ADAMTS6: variants seen among roughly 807,000 people sequenced by gnomAD.
The protein encoded by ADAMTS6 is ADAM metallopeptidase with thrombospondin type 1 motif 6.
Under a neutral mutation model 144.3 loss-of-function variants are expected in ADAMTS6, and 23 were observed. The ratio of observed to expected loss-of-function variants is 0.16; its 90% confidence interval spans 0.11 to 0.23. The LOEUF (loss-of-function observed/expected upper bound fraction) is 0.23, where lower values mean the gene tolerates loss of function less well. Among genes scored for constraint, ADAMTS6 ranks in the 10% least tolerant of loss-of-function variants. The probability of loss-of-function intolerance (pLI) is 1.00; values close to 1 mark genes in which losing one functional copy is unlikely to be tolerated. For missense variants in ADAMTS6, 999 were observed against 1,379.6 expected (o/e 0.72, Z 4.37); for synonymous variants, 444 against 457.5 (o/e 0.97, Z 0.38).
chr5:65,153,125 GA>G (rs1247208665), intron 24 of ADAMTS6, among the ~76,000 whole-genome samples: 10 of 152,218 alleles, frequency 6.6e-5, no homozygotes, highest in Non-Finnish European at 2.9e-5. Flanking sequence ...TAAGTACAAA[GA>G]CATGGAAAAG....
chr5:65,364,408 A>C (rs997827721), intron 7 of ADAMTS6, among the ~76,000 whole-genome samples: 1 of 152,170 alleles, frequency 6.6e-6, no homozygotes, highest in African/African-American at 2.4e-5. Flanking sequence ...ATGGAGTATC[A>C]TCATGTTGCA....
At chr5:65,456,125 G>T in intron 4 of ADAMTS6, among the ~76,000 whole-genome samples, 1 of 151,670 alleles carries the variant, frequency 6.6e-6, no homozygotes, top group African/African-American at 2.4e-5. Context: ...AGCATAATTA[G>T]CTCATTATAA....
At chr5:65,393,667 TGCAAGTCAGTA>T (rs1487180536) in intron 7 of ADAMTS6, among the ~76,000 whole-genome samples, 1 of 152,238 alleles carries the variant, frequency 6.6e-6, no homozygotes, top group Non-Finnish European at 1.5e-5. Context: ...GGAGTTTTAA[TGCAAGTCAGTA>T]GCAATGCTTT....
intron 4 of ADAMTS6, among the ~76,000 whole-genome samples, chr5:65,456,985 T>C (rs1247284548): frequency 1.3e-5 from 2 of 152,350 alleles, no homozygotes; most frequent in East Asian, 1.9e-4. Flanking sequence ...TTCCAGGTAA[T>C]AGGCTAACTG....
chr5:65,334,600 T>C (rs1747132030), intron 7 of ADAMTS6, among the ~76,000 whole-genome samples: 1 of 152,200 alleles, frequency 6.6e-6, no homozygotes. Context: ...GAATAAAATT[T>C]ATATTACATA....
chr5:65,440,113 T>C (rs1757753019), intron 7 of ADAMTS6, among the ~76,000 whole-genome samples: 1 of 152,180 alleles, frequency 6.6e-6, no homozygotes, highest in African/African-American at 2.4e-5. Context: ...CAGCTGAGAA[T>C]GTTTTTGTTC....
At chr5:65,177,939 C>T (rs1754083951) in intron 22 of ADAMTS6, among the ~76,000 whole-genome samples, 2 of 152,308 alleles carry the variant, frequency 1.3e-5, no homozygotes, top group Middle Eastern at 3.4e-3. Context: ...CTGCTATATC[C>T]CAATGTCCAG....
intron 7 of ADAMTS6, among the ~76,000 whole-genome samples, chr5:65,398,864 G>A (rs1047595410): frequency 1.3e-5 from 2 of 151,672 alleles, no homozygotes; most frequent in African/African-American, 4.8e-5. Context: ...GAAAGAGAAA[G>A]AAAGAAAGAA....
intron 14 of ADAMTS6, 136 bp downstream of exon 14, chr5:65,260,464 A>G (rs1309911525): frequency 1.5e-6 from 1 of 679,040 alleles, no homozygotes; most frequent in Non-Finnish European, 2.5e-6. Flanking sequence ...AGCTCCATTC[A>G]TTATTAACAA....
intron 23 of ADAMTS6, among the ~76,000 whole-genome samples, chr5:65,171,048 C>T (rs1345626114): frequency 2.6e-5 from 4 of 150,992 alleles, no homozygotes; most frequent in African/African-American, 7.3e-5. Flanking sequence ...CTCGCTCTGT[C>T]GCTCAGGCTG....
chr5:65,234,282 G>A (rs1035939914), intron 15 of ADAMTS6, among the ~76,000 whole-genome samples: 5 of 151,568 alleles, frequency 3.3e-5, no homozygotes, highest in Non-Finnish European at 4.4e-5. Context: ...ATAAACAAGC[G>A]AGACTATGTC....
chr5:65,423,874 TTTCA>T (rs1756280922), intron 7 of ADAMTS6, among the ~76,000 whole-genome samples: 1 of 152,144 alleles, frequency 6.6e-6, no homozygotes, highest in Non-Finnish European at 1.5e-5. Flanking sequence ...TTTGGAACCA[TTTCA>T]CATTTTACAA....
intron 12 of ADAMTS6, among the ~76,000 whole-genome samples, chr5:65,265,444 A>T (rs138417851): frequency 9.4e-4 from 143 of 152,208 alleles, no homozygotes; most frequent in Non-Finnish European, 9.3e-4. Flanking sequence ...AAAAGTCACA[A>T]CATCTGGCCA....
intron 8 of ADAMTS6, among the ~76,000 whole-genome samples, chr5:65,330,356 CTCTTA>C (rs1746593868): frequency 6.6e-6 from 1 of 152,068 alleles, no homozygotes. Context: ...AAAATGTCAT[CTCTTA>C]TAAGGAAACA....
intron 7 of ADAMTS6, among the ~76,000 whole-genome samples, chr5:65,449,747 T>C (rs1165182129): frequency 3.3e-5 from 5 of 152,142 alleles, no homozygotes; most frequent in Admixed American, 2.0e-4. Context: ...CGGGAAAATA[T>C]CAAGGCGAAT....
Position 65,473,586 on chromosome 5 carries a change from T to C in ADAMTS6, c.88A>G (p.Ser30Gly). The C allele has an allele frequency of 6.2e-7, 1 of 1,613,176 alleles. No homozygotes were observed. The highest frequency in any genetic ancestry group is 1.3e-5 in the African/African-American group (1 of 74,994). ...AAAGCAAGAATCCTACCTTGAGAACTGTATGAAAGCCTGTGGTCACTATGA... is the reference window on the plus strand; with the variant it reads ...AAAGCAAGAATCCTACCTTGAGAACCGTATGAAAGCCTGTGGTCACTATGA... ...EFHSDHRLSY[S>G]SQEEFLTYLE... Residue 30 changes from serine (S) to glycine (G), a missense_variant, in exon 2 of 25, where the codon AGT becomes GGT. By Grantham distance (56) the Ser-to-Gly change is moderately conservative (BLOSUM62 0). Transcript: ENST00000381055.
At chr5:65,421,047 G>T (rs1233171621) in intron 7 of ADAMTS6, among the ~76,000 whole-genome samples, 1 of 152,164 alleles carries the variant, frequency 6.6e-6, no homozygotes, top group African/African-American at 2.4e-5. Context: ...TTTAAGTGGA[G>T]CATTTAGAAC....
At chr5:65,397,158 A>G (rs1278522879) in intron 7 of ADAMTS6, among the ~76,000 whole-genome samples, 1 of 152,126 alleles carries the variant, frequency 6.6e-6, no homozygotes, top group African/African-American at 2.4e-5. Context: ...TAACATTTTT[A>G]ATGTTCACAG....
Position 65,470,943 on chromosome 5 carries a change from G to A in ADAMTS6, c.297C>T (p.Asn99=), listed in dbSNP as rs773601465. 1.4e-5 allele frequency: 22 copies of A among 1,612,808 alleles called. No individual in the cohort carries two copies. Among genetic ancestry groups the A allele is most frequent in the Admixed American group, 3.3e-5 (2 of 59,780 alleles). ...LSAYGKHFHL[N]LTLNTDFVSK... is the part of the protein sequence containing the mutation. ...ACACAAAATCTGTGTTGAGAGTCAA[G>A]TTTAGATGAAAGTGCTTGCCATAGG... Residue 99 remains asparagine (N), a synonymous_variant, in exon 3 of 25, where the codon AAC becomes AAT. Coordinates refer to ENST00000381055, the MANE Select transcript of ADAMTS6 (RefSeq NM_197941.4).
Sources: allele counts gnomAD v4.1 joint callset (sites outside exome capture counted in the v4.1 genomes callset), GRCh38; gene constraint gnomAD v4.1.1; transcripts MANE v1.5; gene names NCBI Gene and HGNC (gene_info 2026-07-23, HGNC 2026-07-21).